STK10: variants seen among roughly 807,000 people sequenced by gnomAD.
STK10 encodes the protein serine/threonine kinase 10.
STK10 carries 78 observed loss-of-function variants against 113.8 expected under a neutral mutation model. The observed-to-expected ratio is 0.69, with a 90% CI of 0.57 to 0.83. The LOEUF is 0.83. Among genes scored for constraint, STK10 ranks in the 40% least tolerant of loss-of-function variants. The pLI, the probability that STK10 is intolerant of heterozygous loss-of-function variation, is 0.00. For synonymous variants in STK10, 465 were observed against 494.7 expected (o/e 0.94, Z 0.80); for missense variants, 1,109 against 1,280.1 (o/e 0.87, Z 2.04).
At chr5:172,153,324 G>GAAAGAAAGAA (rs1025540388) in intron 2 of STK10, among the ~76,000 whole-genome samples, 2 of 140,732 alleles carry the variant, frequency 1.4e-5, no homozygotes, top group African/African-American at 5.0e-5. Flanking sequence ...AAGAAAGAAA[G>GAAAGAAAGAA]AAATGTAAAA....
chr5:172,101,469 C>T (rs1768987593), intron 7 of STK10, among the ~76,000 whole-genome samples: 2 of 133,602 alleles, frequency 1.5e-5, no homozygotes, highest in Admixed American at 1.4e-4. Context: ...GACTCCGTCT[C>T]CAAAAAAAAA....
intron 18 of STK10, 122 bp from the exon 19 acceptor site, chr5:172,045,144 T>G: frequency 7.1e-7 from 1 of 1,418,250 alleles, no homozygotes; most frequent in South Asian, 1.3e-5. Flanking sequence ...GCCTCAGTGC[T>G]TGAGAAACTA....
intron 7 of STK10, among the ~76,000 whole-genome samples, chr5:172,104,129 T>C (rs549974179): frequency 4.6e-4 from 70 of 152,334 alleles, no homozygotes; most frequent in Non-Finnish European, 8.5e-4. Context: ...CTCAAGTGCC[T>C]GGTGTGGCGC....
At chr5:172,144,472 C>T (rs547614047) in intron 2 of STK10, among the ~76,000 whole-genome samples, 5 of 152,326 alleles carry the variant, frequency 3.3e-5, no homozygotes, top group Admixed American at 2.6e-4. Context: ...CACCAAAAAA[C>T]GCAACAGTCA....
At chr5:172,160,085 G>A (rs1472211347) in intron 1 of STK10, among the ~76,000 whole-genome samples, 1 of 151,662 alleles carries the variant, frequency 6.6e-6, no homozygotes, top group South Asian at 2.1e-4. Flanking sequence ...GCAGTGAGCC[G>A]AGATTGCACC....
chr5:172,091,802 G>A (rs1222321891), intron 9 of STK10, among the ~76,000 whole-genome samples: 1 of 152,218 alleles, frequency 6.6e-6, no homozygotes, highest in East Asian at 1.9e-4. Context: ...AAAGTGCTGG[G>A]ATTACAGGTG....
At chr5:172,107,014 G>A (rs1373948669) in intron 5 of STK10, 200 bp from the exon 6 acceptor site, 3 of 463,952 alleles carry the variant, frequency 6.5e-6, no homozygotes, top group Non-Finnish European at 1.1e-5. Context: ...TCCCCGCCAC[G>A]TCCTGCTGCA....
chr5:172,079,927 C>A (rs193078389), intron 12 of STK10, among the ~76,000 whole-genome samples: 1 of 152,078 alleles, frequency 6.6e-6, no homozygotes, highest in Admixed American at 6.6e-5. Flanking sequence ...AGGTATACCT[C>A]ATTTTTTCAT....
intron 2 of STK10, among the ~76,000 whole-genome samples, chr5:172,152,507 GC>G (rs1770256828): frequency 6.6e-6 from 1 of 152,146 alleles, no homozygotes. Flanking sequence ...CTCATTTTGG[GC>G]CCTGGGAGTC....
chr5:172,158,370 T>C (rs1024880027), intron 1 of STK10, among the ~76,000 whole-genome samples: 4 of 151,968 alleles, frequency 2.6e-5, no homozygotes, highest in African/African-American at 7.2e-5. Flanking sequence ...TGTCCATCAA[T>C]AGATGAAGAA....
chr5:172,066,946 C>T lies in STK10; in HGVS notation c.1990-2134G>A, dbSNP rs187273691. Reference sequence around the variant, plus strand: ...ACTAAACTAACACTGAAACCACTACCCACAGAAGATCAGACAGAACCTGTG... The same window carrying T: ...ACTAAACTAACACTGAAACCACTACTCACAGAAGATCAGACAGAACCTGTG... On this transcript the variant is annotated intron_variant, in intron 12 of 18. Coordinates refer to ENST00000176763, the MANE Select transcript of STK10 (RefSeq NM_005990.4). Among the ~76,000 whole-genome samples the T allele has an allele frequency of 5.9e-4, 90 of 152,290 alleles. 1 individual carries two copies. Among genetic ancestry groups the T allele is most frequent in the African/African-American group, 2.1e-3 (89 of 41,542 alleles).
chr5:172,185,430 G>A lies in STK10; in HGVS notation c.156+2457C>T, dbSNP rs1394487773. ...ATTACGGGCATGCATCACCATGCCCGGCTAATTTCTGTATTTTTAGTAGAG... is the reference window on the plus strand; with the variant it reads ...ATTACGGGCATGCATCACCATGCCCAGCTAATTTCTGTATTTTTAGTAGAG... On this transcript the variant is annotated intron_variant, in intron 1 of 18. Coordinates refer to ENST00000176763, the MANE Select transcript of STK10 (RefSeq NM_005990.4). 4.6e-5 allele frequency among the ~76,000 whole-genome samples: 7 copies of A among 152,092 alleles called. 1 individual carries two copies. The highest frequency in any genetic ancestry group is 4.2e-4 in the South Asian group (2 of 4,812).
chr5:172,122,750 A>G (rs1054577471), intron 3 of STK10, among the ~76,000 whole-genome samples: 3 of 152,132 alleles, frequency 2.0e-5, no homozygotes, highest in Non-Finnish European at 4.4e-5. Flanking sequence ...CAGCCTCCCA[A>G]GTAGCTGGGA....
chr5:172,080,042 G>GTGC (rs1364914023), intron 12 of STK10, among the ~76,000 whole-genome samples: 1 of 152,142 alleles, frequency 6.6e-6, no homozygotes, highest in Non-Finnish European at 1.5e-5. Flanking sequence ...CCAAAAGCAT[G>GTGC]TGCTCACTTC....
chr5:172,187,205 AG>A lies in STK10; in HGVS notation c.156+681del, dbSNP rs1770966505. On this transcript the variant is annotated intron_variant, in intron 1 of 18. Transcript: ENST00000176763. This position sits in a 1 kb window ranked among gnomAD's most constrained non-coding sequence, Gnocchi z 4.6. ...AAAGCTCTCTGCCGCGTCTTCCTCT[AG>A]GGGAGAGGTGACTGCAGGCTGGGAG... is the stretch of plus-strand genomic sequence containing the variant. Among the ~76,000 whole-genome samples, 2 of 152,068 alleles carry A rather than the reference AG, an allele frequency of 1.3e-5. No homozygotes were observed. Among genetic ancestry groups the A allele is most frequent in the Non-Finnish European group, 2.9e-5 (2 of 68,004 alleles).
At chr5:172,153,497 C>G (rs886398647) in intron 2 of STK10, among the ~76,000 whole-genome samples, 2 of 152,154 alleles carry the variant, frequency 1.3e-5, no homozygotes, top group Non-Finnish European at 2.9e-5. Context: ...CTAATCTTGT[C>G]AAATTGCACA....
chr5:172,145,814 C>T (rs1561824689), intron 2 of STK10, among the ~76,000 whole-genome samples: 1 of 152,206 alleles, frequency 6.6e-6, no homozygotes, highest in Non-Finnish European at 1.5e-5. Flanking sequence ...AAGCCTGTAG[C>T]TCAGAACCTG....
intron 1 of STK10, among the ~76,000 whole-genome samples, chr5:172,173,165 G>A (rs1770692930): frequency 6.6e-6 from 1 of 152,130 alleles, no homozygotes. Context: ...CTCAAAGATG[G>A]GTTTCCTATC....
intron 12 of STK10, among the ~76,000 whole-genome samples, chr5:172,077,268 G>A (rs891514393): frequency 1.3e-5 from 2 of 152,210 alleles, no homozygotes; most frequent in South Asian, 2.1e-4. Context: ...GGGATCCTTC[G>A]AGGGTTACAA....
Sources: gnomAD v4.1 joint callset for allele counts (sites outside exome capture counted in the v4.1 genomes callset) on GRCh38, gnomAD v4.1.1 for gene constraint, Gnocchi (gnomAD v3.1) non-coding constraint, MANE v1.5 for transcripts, NCBI Gene and HGNC (gene_info 2026-07-23, HGNC 2026-07-21) for gene names.